The following RELN variants were observed in gnomAD, a reference collection of about 807,000 sequenced individuals.
RELN encodes the protein reelin.
A neutral mutation model predicts 427.6 loss-of-function variants in RELN; 108 were observed. The observed-to-expected ratio is 0.25, with a 90% CI of 0.22 to 0.30. The LOEUF (loss-of-function observed/expected upper bound fraction) is 0.30. RELN is among the 10% of genes least tolerant of loss of function. The pLI is 1.00. For missense variants in RELN, 3,715 were observed against 4,302.8 expected (o/e 0.86, Z 3.82); for synonymous variants, 1,524 against 1,513.4 (o/e 1.01, Z -0.16).
At chr7:103,753,291 A>C in intron 4 of RELN, 77 bp from the exon 5 acceptor site, 1 of 1,492,056 alleles carries the variant, frequency 6.7e-7, no homozygotes. Context: ...GTCACAACAC[A>C]GTTATAAAAC....
chr7:103,876,380 C>A (rs146064522), intron 2 of RELN, among the ~76,000 whole-genome samples: 3 of 152,252 alleles, frequency 2.0e-5, no homozygotes, highest in African/African-American at 7.2e-5. Context: ...AAGCTCTGAA[C>A]ACACACACAA....
intron 1 of RELN, among the ~76,000 whole-genome samples, chr7:103,977,498 T>G (rs901722211): frequency 6.6e-6 from 1 of 151,954 alleles, no homozygotes; most frequent in African/African-American, 2.4e-5. Context: ...TTAGGCTAGA[T>G]CTATATGTAC....
Position 103,565,518 on chromosome 7 carries a change from T to C in RELN, c.4970A>G (p.His1657Arg). 1 of 1,613,100 alleles carries C rather than the reference T, an allele frequency of 6.2e-7. No homozygotes were observed. Among genetic ancestry groups the C allele is most frequent in the South Asian group, 1.1e-5 (1 of 91,022 alleles). ...CTGCAAAAAGGTAGATGCTGACACA[T>C]GAAAATCCCAGGTCTCAGCATAACG... ...KPRYAETWDF[H>R]VSASTFLQFE... The change falls in exon 34 of 65, where the codon CAT becomes CGT. Residue 1657 changes from histidine (H) to arginine (R), a missense_variant. His to Arg is a conservative substitution (Grantham distance 29, BLOSUM62 0). Coordinates refer to ENST00000428762, the MANE Select transcript of RELN (RefSeq NM_005045.4).
At chr7:103,612,801 A>C (rs1831991473) in intron 20 of RELN, among the ~76,000 whole-genome samples, 1 of 152,200 alleles carries the variant, frequency 6.6e-6, no homozygotes, top group South Asian at 2.1e-4. Context: ...CATAATTACA[A>C]ATTGTTTGAA....
chr7:103,739,658 T>G (rs1790589803), intron 6 of RELN, among the ~76,000 whole-genome samples: 1 of 152,192 alleles, frequency 6.6e-6, no homozygotes, highest in Admixed American at 6.5e-5. Context: ...ATGAAGGGAT[T>G]TTGTTACTCT....
At chr7:103,902,152 ACTTCATCAGC>A (rs1795096496) in intron 2 of RELN, among the ~76,000 whole-genome samples, 1 of 151,974 alleles carries the variant, frequency 6.6e-6, no homozygotes, top group African/African-American at 2.4e-5. Flanking sequence ...CTAGGGATAA[ACTTCATCAGC>A]CTCATAATTA....
At chr7:103,791,963 A>C (rs1344222296) in intron 3 of RELN, among the ~76,000 whole-genome samples, 1 of 152,180 alleles carries the variant, frequency 6.6e-6, no homozygotes, top group Non-Finnish European at 1.5e-5. Context: ...ATGGTCAATA[A>C]ACACATGAAA....
In RELN at chr7:103,561,684, A is replaced by C. The variant is rs760957004; in HGVS notation, c.5377T>G (p.Tyr1793Asp). ...CVCDRGFGGPYCVPVVPLPSI... is the reference protein window; with the variant it reads ...CVCDRGFGGPDCVPVVPLPSI... Reference sequence around the variant, plus strand: ...GGCAGAGGAACAACAGGAACACAATAGGGTCCACCAAAGCCCCGGTCACAC... The same window carrying C: ...GGCAGAGGAACAACAGGAACACAATCGGGTCCACCAAAGCCCCGGTCACAC... Residue 1793 changes from tyrosine to aspartate, a missense_variant, in exon 36 of 65, where the codon TAT (tyrosine) becomes GAT (aspartate). Around this residue, in one of 4 missense-constraint regions of RELN, gnomAD observed 2,208 missense variants for 2,361.7 expected, o/e 0.93. Coordinates refer to ENST00000428762, the MANE Select transcript of RELN (RefSeq NM_005045.4). 39 of 1,613,902 alleles carry C rather than the reference A, an allele frequency of 2.4e-5. No individual in the cohort carries two copies. Among genetic ancestry groups the C allele is most frequent in the Non-Finnish European group, 3.3e-5 (39 of 1,179,960 alleles).
intron 10 of RELN, among the ~76,000 whole-genome samples, chr7:103,690,538 G>A (rs1833852724): frequency 6.6e-6 from 1 of 152,068 alleles, no homozygotes; most frequent in African/African-American, 2.4e-5. Flanking sequence ...AATAGGAGCA[G>A]CTGGAAAAAA....
At chr7:103,544,474 C>T (rs1288327415) in intron 42 of RELN, among the ~76,000 whole-genome samples, 1 of 151,960 alleles carries the variant, frequency 6.6e-6, no homozygotes, top group East Asian at 1.9e-4. Context: ...ATCCACCTGC[C>T]TCAGCCTCCC....
chr7:103,474,496 A>G (rs1387096098), intron 64 of RELN, among the ~76,000 whole-genome samples: 2 of 152,142 alleles, frequency 1.3e-5, no homozygotes, highest in East Asian at 3.9e-4. Flanking sequence ...CCATGTGACA[A>G]TATTACATGT....
chr7:103,733,784 C>A (rs1335866964), intron 6 of RELN, among the ~76,000 whole-genome samples: 1 of 143,618 alleles, frequency 7.0e-6, no homozygotes, highest in Non-Finnish European at 1.5e-5. Flanking sequence ...ACTCTGGGGA[C>A]TGTTGTGGGG....
intron 1 of RELN, among the ~76,000 whole-genome samples, chr7:103,938,267 C>T (rs562867277): frequency 4.6e-5 from 7 of 152,018 alleles, no homozygotes; most frequent in African/African-American, 1.7e-4. Context: ...TTGCAGTGAG[C>T]CGAGATTGCG....
At chr7:103,526,892 C>T (rs2256658) in intron 46 of RELN, among the ~76,000 whole-genome samples, 38,582 of 151,948 alleles carry the variant, frequency 0.25, 7,394 homozygotes, top group African/African-American at 0.54. Flanking sequence ...TGCTACTTCC[C>T]GGAGTTGGGG....
chr7:103,776,255 GAC>G (rs899324920), intron 4 of RELN, among the ~76,000 whole-genome samples: 1 of 152,150 alleles, frequency 6.6e-6, no homozygotes, highest in East Asian at 1.9e-4. Context: ...AAATTAAGCA[GAC>G]ACAGTTTGTA....
intron 4 of RELN, among the ~76,000 whole-genome samples, chr7:103,759,990 CTTTTTTTTTTTTTTTTT>C (rs57019839): frequency 1.5e-4 from 10 of 64,910 alleles, no homozygotes; most frequent in Admixed American, 3.2e-4. Flanking sequence ...CACAGTCATA[CTTTTTTTTTTTTTTTTT>C]TTTTTTTTTT....
intron 63 of RELN, among the ~76,000 whole-genome samples, chr7:103,479,030 T>G (rs1423255930): frequency 1.3e-5 from 2 of 152,210 alleles, no homozygotes; most frequent in East Asian, 3.8e-4. Context: ...AATGTGGTAT[T>G]AATTCACTTT....
At chr7:103,746,409 T>A (rs1256649876) in intron 6 of RELN, among the ~76,000 whole-genome samples, 16 of 151,866 alleles carry the variant, frequency 1.1e-4, no homozygotes, top group Admixed American at 1.0e-3. Flanking sequence ...AAGTCAAAAT[T>A]GACAAATGGG....
intron 3 of RELN, among the ~76,000 whole-genome samples, chr7:103,816,721 T>C (rs890810563): frequency 2.6e-5 from 4 of 152,208 alleles, no homozygotes; most frequent in Admixed American, 1.3e-4. Flanking sequence ...TTGGGGATCA[T>C]GTAAGCTACA....
Sources: allele counts gnomAD v4.1 joint callset (sites outside exome capture counted in the v4.1 genomes callset), GRCh38; gene constraint gnomAD v4.1.1; regional missense constraint gnomAD v4.1.1; transcripts MANE v1.5; gene names NCBI Gene and HGNC (gene_info 2026-07-23, HGNC 2026-07-21).